The following LHFPL3 variants were observed in gnomAD, a reference collection of about 807,000 sequenced individuals.
The protein encoded by LHFPL3 is LHFPL tetraspan subfamily member 3.
Under a neutral mutation model 19.3 loss-of-function variants are expected in LHFPL3, and 5 were observed. The ratio of observed to expected loss-of-function variants is 0.26; its 90% CI spans 0.14 to 0.54. LHFPL3 has a LOEUF of 0.54. Ranked by LOEUF, LHFPL3 falls within the 20% of genes least tolerant of loss-of-function variation. LHFPL3 has a pLI of 0.94. For synonymous variants in LHFPL3, 133 were observed against 126.2 expected, an observed-to-expected ratio of 1.05 and a Z score of -0.36; for missense variants, 249 against 307.4, an observed-to-expected ratio of 0.81 and a Z score of 1.42.
chr7:104,618,132 C>A (rs549843894), intron 1 of LHFPL3, among the ~76,000 whole-genome samples: 31 of 152,194 alleles, frequency 2.0e-4, no homozygotes, highest in African/African-American at 6.5e-4. Flanking sequence ...CAAAAGAAGC[C>A]AAGAGATGTT....
intron 1 of LHFPL3, among the ~76,000 whole-genome samples, chr7:104,551,246 T>G (rs1562931881): frequency 6.6e-6 from 1 of 152,228 alleles, no homozygotes; most frequent in African/African-American, 2.4e-5. Context: ...CTTTATTTCT[T>G]TGAGCTTAGG....
At chr7:104,598,436 T>A (rs1249155698) in intron 1 of LHFPL3, among the ~76,000 whole-genome samples, 1 of 152,152 alleles carries the variant, frequency 6.6e-6, no homozygotes, top group Admixed American at 6.5e-5. Flanking sequence ...GGCTTTCCAG[T>A]ATGATCTTGA....
chr7:104,398,401 A>G (rs1791237174), intron 1 of LHFPL3, among the ~76,000 whole-genome samples: 1 of 152,214 alleles, frequency 6.6e-6, no homozygotes. Flanking sequence ...AGAGCTAGTC[A>G]TCTACTGCTG....
At chr7:104,329,340 C>T in intron 1 of LHFPL3, 116 bp downstream of exon 1, 2 of 1,353,576 alleles carry the variant, frequency 1.5e-6, no homozygotes, top group South Asian at 2.9e-5. Context: ...GCCGCCTAAT[C>T]CGCTCAGGCG....
chr7:104,404,476 G>C (rs1791377153), intron 1 of LHFPL3, among the ~76,000 whole-genome samples: 1 of 152,160 alleles, frequency 6.6e-6, no homozygotes, highest in Non-Finnish European at 1.5e-5. Context: ...TAAAATTATT[G>C]AAGAAATACA....
chr7:104,407,635 G>A (rs569783416), intron 1 of LHFPL3, among the ~76,000 whole-genome samples: 214 of 152,272 alleles, frequency 1.4e-3, no homozygotes, highest in Admixed American at 3.3e-3. Flanking sequence ...CAGCCTGGGC[G>A]ACAAGAGTGA....
chr7:104,651,304 C>T (rs959077797), intron 1 of LHFPL3, among the ~76,000 whole-genome samples: 1 of 152,234 alleles, frequency 6.6e-6, no homozygotes, highest in Non-Finnish European at 1.5e-5. Flanking sequence ...GTCTGGACTG[C>T]TTATTGCTAC....
In LHFPL3 at chr7:104,779,025, A is replaced by G. The variant is rs75001775; in HGVS notation, c.682+42114A>G. ...ATCGTTGCCTCTTTTCTCCCTGGAC[A>G]TAAGCTTTCAATAGCCATTATCACA... On this transcript the variant is annotated intron_variant, in intron 2 of 2. Coordinates refer to ENST00000424859, the MANE Select transcript of LHFPL3 (RefSeq NM_199000.3). Among the ~76,000 whole-genome samples the G allele has an allele frequency of 5.3e-3, 800 of 152,342 alleles. 4 individuals are homozygous for G. Among genetic ancestry groups the G allele is most frequent in the African/African-American group, 0.018 (755 of 41,578 alleles).
chr7:104,451,784 G>A (rs1026211788), intron 1 of LHFPL3, among the ~76,000 whole-genome samples: 1 of 151,282 alleles, frequency 6.6e-6, no homozygotes, highest in Non-Finnish European at 1.5e-5. Context: ...TCACTCTGCT[G>A]CTCAGGCTGG....
intron 1 of LHFPL3, among the ~76,000 whole-genome samples, chr7:104,468,522 A>G (rs757453180): frequency 2.6e-5 from 4 of 152,128 alleles, no homozygotes; most frequent in Non-Finnish European, 4.4e-5. Flanking sequence ...TAAATGCATC[A>G]TTTGTGCCCT....
intron 1 of LHFPL3, among the ~76,000 whole-genome samples, chr7:104,585,195 C>T (rs1790542405): frequency 6.6e-6 from 1 of 152,016 alleles, no homozygotes; most frequent in South Asian, 2.1e-4. Flanking sequence ...GGGCCTGTCA[C>T]AGCCTTTTAT....
intron 2 of LHFPL3, among the ~76,000 whole-genome samples, chr7:104,860,427 T>G (rs567341302): frequency 6.6e-6 from 1 of 152,286 alleles, no homozygotes; most frequent in African/African-American, 2.4e-5. Flanking sequence ...ACTTTACCGC[T>G]AATAAAGGGA....
intron 1 of LHFPL3, among the ~76,000 whole-genome samples, chr7:104,725,827 G>T (rs912089967): frequency 2.0e-5 from 3 of 151,994 alleles, no homozygotes; most frequent in African/African-American, 7.2e-5. Context: ...CAAAAATGGC[G>T]GATCACGAGG....
At chr7:104,717,350 T>C (rs1044185869) in intron 1 of LHFPL3, among the ~76,000 whole-genome samples, 2 of 152,040 alleles carry the variant, frequency 1.3e-5, no homozygotes, top group African/African-American at 4.8e-5. Context: ...AAGGAAATAA[T>C]AAGCAAAGTG....
At chr7:104,497,990 G>A (rs181339255) in intron 1 of LHFPL3, among the ~76,000 whole-genome samples, 1 of 152,290 alleles carries the variant, frequency 6.6e-6, no homozygotes, top group East Asian at 1.9e-4. Flanking sequence ...AAAGGCCTGG[G>A]TTTTAGGGAG....
At chr7:104,609,489 T>G (rs11773444) in intron 1 of LHFPL3, among the ~76,000 whole-genome samples, 6,789 of 152,270 alleles carry the variant, frequency 0.045, 173 homozygotes, top group African/African-American at 0.065. Context: ...TTCTTCTGTT[T>G]AAGAGATTGA....
At chr7:104,445,481 G>T (rs910660398) in intron 1 of LHFPL3, among the ~76,000 whole-genome samples, 2 of 152,142 alleles carry the variant, frequency 1.3e-5, no homozygotes, top group African/African-American at 4.8e-5. Context: ...AATCAATCCA[G>T]TTAACACAGG....
At chr7:104,897,412 C>T (rs912307201) in intron 2 of LHFPL3, among the ~76,000 whole-genome samples, 2 of 152,166 alleles carry the variant, frequency 1.3e-5, no homozygotes, top group African/African-American at 4.8e-5. Context: ...TGTCTTATTT[C>T]ATTACAATAA....
Position 104,563,555 on chromosome 7 carries a change from C to T in LHFPL3, c.446-173120C>T, listed in dbSNP as rs545285984. Among the ~76,000 whole-genome samples the T allele has an allele frequency of 4.7e-4, 60 of 127,942 alleles. No individual in the cohort carries two copies. The South Asian group carries it at 7.5e-3, about 16-fold the overall frequency. 83.9% of individuals were successfully genotyped at this position (127,942 alleles called of 152,430 possible). A position where few individuals can be genotyped will look rare whatever the true frequency, so the allele number is the denominator to read the frequency against. On this transcript the variant is annotated intron_variant, in intron 1 of 2. Transcript: ENST00000424859. Reference sequence around the variant, plus strand: ...CCTGCTTCGGCTCGCGCACGGTGCACGCACCCACTGACCTGCGCCCACTGT... The same window carrying T: ...CCTGCTTCGGCTCGCGCACGGTGCATGCACCCACTGACCTGCGCCCACTGT...
Sources: allele counts gnomAD v4.1 joint callset (sites outside exome capture counted in the v4.1 genomes callset), GRCh38; gene constraint gnomAD v4.1.1; transcripts MANE v1.5; gene names NCBI Gene and HGNC (gene_info 2026-07-23, HGNC 2026-07-21).